The following PRMT8 variants were observed in gnomAD, a reference collection of about 807,000 sequenced individuals.
PRMT8 encodes the protein protein arginine methyltransferase 8, also known as protein arginine N-methyltransferase 8.
PRMT8 carries 7 observed loss-of-function variants against 47.1 expected under a neutral mutation model. The ratio of observed to expected loss-of-function variants is 0.15; its 90% CI spans 0.08 to 0.28. The LOEUF is 0.28. PRMT8 is among the 10% of genes least tolerant of loss of function. The pLI, the probability that PRMT8 is intolerant of heterozygous loss-of-function variation, is 1.00. For synonymous variants in PRMT8, 188 were observed against 186.5 expected, an observed-to-expected ratio of 1.01 and a Z score of -0.07; for missense variants, 237 against 505.4, an observed-to-expected ratio of 0.47 and a Z score of 5.09.
At chr12:3,382,750 A>T (rs1283154721) in intron 1 of PRMT8, among the ~76,000 whole-genome samples, 1 of 152,166 alleles carries the variant, frequency 6.6e-6, no homozygotes, top group Non-Finnish European at 1.5e-5. Flanking sequence ...TTTTCCTTTT[A>T]TGAAACATGC....
chr12:3,531,183 G>A (rs909633341), intron 1 of PRMT8, among the ~76,000 whole-genome samples: 1 of 152,212 alleles, frequency 6.6e-6, no homozygotes, highest in Non-Finnish European at 1.5e-5. Flanking sequence ...GGGTAAGAGA[G>A]GACACTGGCT....
At position 3,584,266 on chromosome 12, in the gene PRMT8, T is replaced by C. The variant is rs190265690; in HGVS notation, c.979+1058T>C. ...GCTCTATGTGTGTCCTAATTGCCTC[T>C]TCTAAGGACACCAGTCAGATTGGAT... On this transcript the variant is annotated intron_variant, in intron 8 of 9. Transcript: ENST00000382622. Among the ~76,000 whole-genome samples the C allele has an allele frequency of 9.9e-4, 151 of 152,344 alleles. 1 individual carries two copies. Among genetic ancestry groups the C allele is most frequent in the African/African-American group, 3.5e-3 (146 of 41,580 alleles).
intron 1 of PRMT8, among the ~76,000 whole-genome samples, chr12:3,511,823 G>A (rs1337456765): frequency 6.6e-6 from 1 of 152,200 alleles, no homozygotes; most frequent in Non-Finnish European, 1.5e-5. Flanking sequence ...GGAAAAAAAA[G>A]CAAAGATTTG....
chr12:3,405,681 C>A (rs981814304), intron 1 of PRMT8, among the ~76,000 whole-genome samples: 1 of 152,194 alleles, frequency 6.6e-6, no homozygotes, highest in Admixed American at 6.5e-5. Context: ...AGTCATGAAG[C>A]CTTAAAGTTC....
chr12:3,382,609 A>T (rs1188474902), intron 1 of PRMT8, among the ~76,000 whole-genome samples: 1 of 152,126 alleles, frequency 6.6e-6, no homozygotes, highest in African/African-American at 2.4e-5. Flanking sequence ...TGTATTATAA[A>T]TACTAGTTCT....
upstream of PRMT8, among the ~76,000 whole-genome samples, chr12:3,490,561 T>A (rs761493790): frequency 2.7e-5 from 4 of 146,246 alleles, no homozygotes; most frequent in Non-Finnish European, 6.0e-5. Flanking sequence ...GGGGGGGCAC[T>A]GCAGTCTCGC....
chr12:3,487,323 G>A (rs940603324), upstream of PRMT8, among the ~76,000 whole-genome samples: 1 of 148,840 alleles, frequency 6.7e-6, no homozygotes, highest in African/African-American at 2.5e-5. Flanking sequence ...GAACAAGCTA[G>A]AGCCTGAGAT....
chr12:3,568,306 C>CAGAGGTGGACAAGG (rs572793893), intron 4 of PRMT8, among the ~76,000 whole-genome samples: 106 of 151,144 alleles, frequency 7.0e-4, no homozygotes, highest in African/African-American at 2.5e-3. Flanking sequence ...TCAGGGGTGG[C>CAGAGGTGGACAAGG]TGGAAGAGGT....
chr12:3,446,828 C>CT (rs1864860537), intron 1 of PRMT8, among the ~76,000 whole-genome samples: 2 of 152,242 alleles, frequency 1.3e-5, no homozygotes. Context: ...CGGGGCCTCC[C>CT]TTTGCCCCAT....
In PRMT8 at chr12:3,592,219, C is replaced by G. The variant is rs926560081; in HGVS notation, c.980-12C>G. ...TCTTTCTTCCCACCTCCCCTGTTCT[C>G]TCACCCCTCAGCCCCTGATGCTCCC... On this transcript the variant is annotated splice_polypyrimidine_tract_variant and intron_variant, in intron 8 of 9. Coordinates refer to ENST00000382622, the MANE Select transcript of PRMT8 (RefSeq NM_019854.5). 7.7e-6 allele frequency: 12 copies of G among 1,552,956 alleles called. No individual in the cohort carries two copies. In the East Asian group the frequency reaches 2.9e-4, roughly 38 times the overall value.
intron 8 of PRMT8, among the ~76,000 whole-genome samples, chr12:3,591,162 T>G (rs1591619697): frequency 6.6e-6 from 1 of 151,928 alleles, no homozygotes; most frequent in African/African-American, 2.4e-5. Flanking sequence ...AACTGGAGAA[T>G]ATATCGTGTG....
At chr12:3,547,942 G>GA (rs1252989961) in intron 2 of PRMT8, among the ~76,000 whole-genome samples, 1 of 152,160 alleles carries the variant, frequency 6.6e-6, no homozygotes, top group African/African-American at 2.4e-5. Flanking sequence ...AAAGGGCCTA[G>GA]AAAAATCAAA....
intron 1 of PRMT8, among the ~76,000 whole-genome samples, chr12:3,440,417 G>A (rs1235044835): frequency 6.6e-6 from 1 of 152,012 alleles, no homozygotes; most frequent in Non-Finnish European, 1.5e-5. Context: ...AGCCAAGATC[G>A]CGCCACTGCA....
At chr12:3,590,986 A>G (rs1250638267) in intron 8 of PRMT8, among the ~76,000 whole-genome samples, 3 of 152,110 alleles carry the variant, frequency 2.0e-5, no homozygotes, top group African/African-American at 7.2e-5. Context: ...CCGCAATAAC[A>G]GGAGCTCAGG....
At chr12:3,536,786 C>T (rs1055803989) in intron 1 of PRMT8, among the ~76,000 whole-genome samples, 1 of 152,130 alleles carries the variant, frequency 6.6e-6, no homozygotes, top group Non-Finnish European at 1.5e-5. Flanking sequence ...GGAAGGGCAG[C>T]CTGGAAGTGG....
chr12:3,478,764 C>T (rs1865243419), intron 1 of PRMT8, among the ~76,000 whole-genome samples: 1 of 152,230 alleles, frequency 6.6e-6, no homozygotes, highest in South Asian at 2.1e-4. Flanking sequence ...GCTTATCAAT[C>T]CTCAGGGAAT....
At chr12:3,418,974 A>C (rs913917248) in intron 1 of PRMT8, among the ~76,000 whole-genome samples, 2 of 152,242 alleles carry the variant, frequency 1.3e-5, no homozygotes, top group Non-Finnish European at 2.9e-5. Flanking sequence ...AATGTATAGA[A>C]TGTGATGAAT....
chr12:3,555,863 G>GTGGTTGGCT (rs1565440489), intron 4 of PRMT8, among the ~76,000 whole-genome samples: 18 of 106,750 alleles, frequency 1.7e-4, no homozygotes, highest in Non-Finnish European at 2.6e-4. Flanking sequence ...TGGGTGGATG[G>GTGGTTGGCT]GACCTGAGGA....
At chr12:3,507,657 A>G (rs1865651428) in intron 1 of PRMT8, among the ~76,000 whole-genome samples, 2 of 152,208 alleles carry the variant, frequency 1.3e-5, no homozygotes, top group Admixed American at 6.5e-5. Flanking sequence ...CCACAGGTAC[A>G]TAGTAGAAAA....
Sources: allele counts gnomAD v4.1 joint callset (sites outside exome capture counted in the v4.1 genomes callset), GRCh38; gene constraint gnomAD v4.1.1; transcripts MANE v1.5; gene names NCBI Gene and HGNC (gene_info 2026-07-23, HGNC 2026-07-21).